ADGRF3: variants seen among roughly 807,000 people sequenced by gnomAD.
ADGRF3 encodes the protein G protein-coupled receptor 113.
Under a neutral mutation model 93.2 loss-of-function variants are expected in ADGRF3, and 85 were observed. The ratio of observed to expected loss-of-function variants is 0.91; its 90% confidence interval spans 0.77 to 1.09. The LOEUF is 1.09. Among genes scored for constraint, ADGRF3 ranks in the 50% least tolerant of loss-of-function variants. The pLI, the probability that ADGRF3 is intolerant of heterozygous loss-of-function variation, is 0.00. For missense variants in ADGRF3, 1,125 were observed against 1,246.2 expected (o/e 0.90, Z 1.46); for synonymous variants, 534 against 532.5 (o/e 1.00, Z -0.04).
At chr2:26,341,002 C>T (rs1320984304) in intron 1 of ADGRF3, among the ~76,000 whole-genome samples, 2 of 152,150 alleles carry the variant, frequency 1.3e-5, no homozygotes, top group African/African-American at 4.8e-5. Context: ...CTGGGTCCCT[C>T]TGAATGTTTA....
intron 1 of ADGRF3, among the ~76,000 whole-genome samples, chr2:26,331,272 T>C (rs1414347278): frequency 6.6e-6 from 1 of 152,146 alleles, no homozygotes; most frequent in African/African-American, 2.4e-5. Context: ...AAAGTATGTG[T>C]GGCCAGGCGC....
At chr2:26,316,098 A>C (rs1674629198) in intron 4 of ADGRF3, 177 bp downstream of exon 4, 4 of 662,476 alleles carry the variant, frequency 6.0e-6, no homozygotes, top group Non-Finnish European at 1.0e-5. Flanking sequence ...TAGTCTCCCT[A>C]CTCAGGTTCC....
At chr2:26,327,398 T>C (rs1022530847) in intron 1 of ADGRF3, among the ~76,000 whole-genome samples, 1 of 152,232 alleles carries the variant, frequency 6.6e-6, no homozygotes, top group Non-Finnish European at 1.5e-5. Flanking sequence ...CCTGACTTCC[T>C]TTCATTATTT....
At chr2:26,322,671 C>T (rs980545418) in intron 1 of ADGRF3, among the ~76,000 whole-genome samples, 2 of 152,112 alleles carry the variant, frequency 1.3e-5, no homozygotes, top group South Asian at 4.1e-4. Flanking sequence ...TGCCTAGCAC[C>T]GTGCATTGGA....
In ADGRF3 at chr2:26,313,541, C is replaced by G; in HGVS notation, c.1105G>C (p.Val369Leu). ...GCCTTGGTGACATTCCAGGTGAGCA[C>G]CGAGGCGTCCTCAGGGCAGGTGATG... ...GDITCPEDAS[V>L]LTWNVTKAGH... is the part of the protein sequence containing the mutation. Residue 369 changes from valine (V) to leucine (L), a missense_variant, in exon 8 of 14, where the codon GTG becomes CTG. By Grantham distance (32) the Val-to-Leu change is conservative. Transcript: ENST00000651242. The G allele has an allele frequency of 3.1e-6, 5 of 1,609,496 alleles. No homozygotes were observed. Among genetic ancestry groups the G allele is most frequent in the Non-Finnish European group, 3.4e-6 (4 of 1,179,162 alleles).
At position 26,313,471 on chromosome 2, in the gene ADGRF3, A is replaced by G. The variant is rs1674374628; in HGVS notation, c.1175T>C (p.Ile392Thr). 4 of 1,611,500 alleles carry G rather than the reference A, an allele frequency of 2.5e-6. No homozygotes were observed. The highest frequency in any genetic ancestry group is 2.2e-5 in the South Asian group (2 of 90,424). Residue 392 changes from isoleucine to threonine, a missense_variant, in exon 8 of 14, where the codon ATA becomes ACA. Transcript: ENST00000651242. The stretch of plus-strand genomic sequence containing the variant: ...GTCAGCCCCACAGAGCCTCCTCACT[A>G]TGCCCCTCTTGCTCTCAGGACATGG... ...QAPCPESKRG[I>T]VRRLCGADGV...
intron 1 of ADGRF3, among the ~76,000 whole-genome samples, chr2:26,319,631 C>G (rs572384789): frequency 1.5e-5 from 2 of 131,680 alleles, no homozygotes; most frequent in African/African-American, 2.8e-5. Context: ...TTCTTTGTTT[C>G]TTTCTTTCTC....
chr2:26,320,522 A>G (rs1363781205), intron 1 of ADGRF3, among the ~76,000 whole-genome samples: 1 of 152,194 alleles, frequency 6.6e-6, no homozygotes, highest in Non-Finnish European at 1.5e-5. Context: ...AAAAAGAAGT[A>G]GTTTGATAAA....
rs1224300806 is a variant in ADGRF3, at chr2:26,310,226, G to A, written c.2844C>T (p.Ile948=). Residue 948 remains isoleucine, a synonymous_variant, in exon 11 of 14, where the codon ATC becomes ATT. Transcript: ENST00000651242. The part of the protein sequence containing the change: ...TILNTLQGVF[I]LLFGCLMDRK... ...TGTCCATGAGGCAACCAAACAATAGGATGAAGACGCCCTGAGAAGAGGGAC... is the reference window on the plus strand; with the variant it reads ...TGTCCATGAGGCAACCAAACAATAGAATGAAGACGCCCTGAGAAGAGGGAC... 6.2e-7 allele frequency: 1 copy of A among 1,614,026 alleles called. No individual in the cohort carries two copies. Among genetic ancestry groups the A allele is most frequent in the Non-Finnish European group, 8.5e-7 (1 of 1,179,898 alleles).
Position 26,311,595 on chromosome 2 carries a change from A to G in ADGRF3, c.1929T>C (p.Gly643=). ...EVIMDFGNTD[G]SPHCVFWDHS... ...GATCCCAGAAGACACAGTGAGGGGA[A>G]CCATCTGTGTTCCCAAAGTCCATGA... Residue 643 remains glycine (G), a synonymous_variant, in exon 10 of 14, where the codon GGT becomes GGC. Transcript: ENST00000651242. 6.2e-7 allele frequency: 1 copy of G among 1,613,812 alleles called. No individual in the cohort carries two copies. Among genetic ancestry groups the G allele is most frequent in the Non-Finnish European group, 8.5e-7 (1 of 1,179,866 alleles).
intron 1 of ADGRF3, among the ~76,000 whole-genome samples, chr2:26,326,875 C>T (rs982631792): frequency 6.6e-6 from 1 of 152,166 alleles, no homozygotes; most frequent in Admixed American, 6.5e-5. Flanking sequence ...CAGGTTCAAG[C>T]AGTTCTCTTG....
intron 1 of ADGRF3, among the ~76,000 whole-genome samples, chr2:26,318,286 A>G (rs936634626): frequency 6.6e-6 from 1 of 152,224 alleles, no homozygotes; most frequent in Admixed American, 6.5e-5. Flanking sequence ...TGATATAGAT[A>G]CGAGTATGGA....
rs1385414990 is a variant in ADGRF3, at chr2:26,309,544, C to T, written c.2975G>A (p.Gly992Glu). ...TTCTCACCTGGCAGTGTCGCTTCCT[C>T]CTTTGCTGTGTTCCAAGATGCAGCC... The part of the protein sequence containing the change: ...NEGCILEHSK[G>E]GSDTARKTDA... The change falls in exon 13 of 14, where the codon GGA becomes GAA. Residue 992 changes from glycine to glutamate, a missense_variant. Gly to Glu is a moderately conservative substitution (Grantham distance 98). Transcript: ENST00000651242. 1.2e-6 allele frequency: 2 copies of T among 1,612,728 alleles called. No homozygotes were observed. The highest frequency in any genetic ancestry group is 1.7e-6 in the Non-Finnish European group (2 of 1,179,516).
chr2:26,336,646 A>G (rs1676057632), intron 1 of ADGRF3, among the ~76,000 whole-genome samples: 1 of 138,894 alleles, frequency 7.2e-6, no homozygotes, highest in African/African-American at 2.7e-5. Flanking sequence ...GAATCTCTTC[A>G]GCCCAGGAGG....
chr2:26,323,954 T>G (rs1033000027), intron 1 of ADGRF3, among the ~76,000 whole-genome samples: 7 of 150,224 alleles, frequency 4.7e-5, no homozygotes, highest in African/African-American at 1.5e-4. Flanking sequence ...AGAAAGTAAC[T>G]GCTGGACCCA....
chr2:26,313,971 A>G, intron 6 of ADGRF3, 68 bp from the exon 7 acceptor site: 1 of 1,577,012 alleles, frequency 6.3e-7, no homozygotes, highest in Non-Finnish European at 8.7e-7. Context: ...GCAGGCTCTG[A>G]CATGCTGTTT....
intron 1 of ADGRF3, among the ~76,000 whole-genome samples, chr2:26,324,897 ACT>A (rs1675360484): frequency 6.6e-6 from 1 of 152,232 alleles, no homozygotes; most frequent in South Asian, 2.1e-4. Context: ...AGGAATTGCC[ACT>A]GTCTTCCACA....
chr2:26,317,861 C>T, intron 1 of ADGRF3: 1 of 697,682 alleles, frequency 1.4e-6, no homozygotes. Flanking sequence ...ATTGAAATGG[C>T]TTGGTCTGGA....
intron 1 of ADGRF3, among the ~76,000 whole-genome samples, chr2:26,345,099 T>G (rs1676629433): frequency 1.3e-5 from 2 of 152,158 alleles, no homozygotes; most frequent in Non-Finnish European, 2.9e-5. Context: ...GGTCGATCAT[T>G]TCCGAGCTTC....
Sources: allele counts gnomAD v4.1 joint callset (sites outside exome capture counted in the v4.1 genomes callset), GRCh38; gene constraint gnomAD v4.1.1; transcripts MANE v1.5; gene names NCBI Gene and HGNC (gene_info 2026-07-23, HGNC 2026-07-21).